MCF2: variants seen among roughly 807,000 people sequenced by gnomAD.
MCF2 encodes the protein MCF.2 cell line derived transforming sequence, also known as proto-oncogene DBL.
Under a neutral mutation model 82.5 loss-of-function variants are expected in MCF2, and 44 were observed. The ratio of observed to expected loss-of-function variants is 0.53; its 90% CI spans 0.42 to 0.69. MCF2 has a LOEUF of 0.69. MCF2 is among the 30% of genes least tolerant of loss of function. The pLI is 0.00. For missense variants in MCF2, 623 were observed against 663.1 expected, an observed-to-expected ratio of 0.94 and a Z score of 0.66; for synonymous variants, 217 against 224.9, an observed-to-expected ratio of 0.96 and a Z score of 0.32.
chrX:139,691,852 G>A, intron 1 of MCF2: 1 of 962,595 alleles, frequency 1.0e-6, no homozygotes, highest in Non-Finnish European at 1.4e-6. Flanking sequence ...GGGAGGCAGC[G>A]GCTGAGAAGA....
intron 20 of MCF2, among the ~76,000 whole-genome samples, chrX:139,589,415 C>T (rs1047969030): frequency 8.9e-6 from 1 of 111,828 alleles, no homozygotes; most frequent in African/African-American, 3.3e-5. Context: ...ATACAACTGG[C>T]CAGGGCTTTA....
At chrX:139,639,356 C>A (rs1243133498) in intron 1 of MCF2, among the ~76,000 whole-genome samples, 3 of 111,617 alleles carry the variant, frequency 2.7e-5, no homozygotes, top group African/African-American at 9.8e-5. Flanking sequence ...TAGGTTCTCG[C>A]AGACATTTTT....
At chrX:139,707,788 G>A (rs1935618958) in intron 1 of MCF2, among the ~76,000 whole-genome samples, 1 of 111,595 alleles carries the variant, frequency 9.0e-6, no homozygotes, top group African/African-American at 3.3e-5. Flanking sequence ...TTCTAATCCA[G>A]AGTTGAGAAA....
At chrX:139,686,608 C>T (rs1296001496) in intron 1 of MCF2, among the ~76,000 whole-genome samples, 2 of 111,516 alleles carry the variant, frequency 1.8e-5, no homozygotes, top group African/African-American at 6.5e-5. Flanking sequence ...CTGCAGGCAT[C>T]TCCATCTCCA....
At chrX:139,626,849 C>T (rs1002380085) in intron 4 of MCF2, 93 bp from the exon 8 acceptor site, 51 of 767,624 alleles carry the variant, frequency 6.6e-5, no homozygotes, top group African/African-American at 3.8e-4. Context: ...CATGAAGAAT[C>T]GAAACAGTTA....
At chrX:139,694,780 T>C (rs1353747762) in intron 1 of MCF2, among the ~76,000 whole-genome samples, 2 of 110,897 alleles carry the variant, frequency 1.8e-5, no homozygotes, top group South Asian at 3.8e-4. Flanking sequence ...TAAATTATGA[T>C]ACATCCATAA....
chrX:139,607,669 T>C, intron 12 of MCF2, 22 bp downstream of exon 16: 3 of 1,079,913 alleles, frequency 2.8e-6, no homozygotes, highest in Non-Finnish European at 3.8e-6. Context: ...TATGTGAGTT[T>C]ATATTAATAA....
At chrX:139,624,126 A>G (rs1048060776) in intron 6 of MCF2, among the ~76,000 whole-genome samples, 9 of 111,654 alleles carry the variant, frequency 8.1e-5, no homozygotes, top group Non-Finnish European at 1.9e-5. Flanking sequence ...TCACCTGCAG[A>G]TATGATTCCT....
chrX:139,631,264 G>T, intron 3 of MCF2, 131 bp downstream of exon 6: 1 of 413,655 alleles, frequency 2.4e-6, no homozygotes, highest in Non-Finnish European at 4.3e-6. Flanking sequence ...TGAAAAATGA[G>T]GGCCCAGAAA....
intron 4 of MCF2, among the ~76,000 whole-genome samples, chrX:139,626,957 C>T (rs945531945): frequency 5.4e-5 from 6 of 112,036 alleles, no homozygotes; most frequent in Admixed American, 9.5e-5. Flanking sequence ...ATCCAAGAAG[C>T]CCTTGCCTTA....
intron 12 of MCF2, among the ~76,000 whole-genome samples, chrX:139,606,725 C>T (rs1253620750): frequency 3.6e-5 from 4 of 111,825 alleles, no homozygotes; most frequent in Non-Finnish European, 3.8e-5. Context: ...AATGTGATTT[C>T]CAATTGACAT....
At chrX:139,638,949 T>C (rs903674787) in intron 1 of MCF2, among the ~76,000 whole-genome samples, 9 of 111,534 alleles carry the variant, frequency 8.1e-5, no homozygotes, top group Non-Finnish European at 1.1e-4. Context: ...TTTTTCTCTA[T>C]ATACCAATAT....
intron 12 of MCF2, chrX:139,607,246 T>C (rs1931107742): frequency 9.0e-6 from 1 of 111,569 alleles, no homozygotes; most frequent in Non-Finnish European, 1.9e-5. Context: ...AGCATCACAT[T>C]GTACACTTTA....
At chrX:139,675,803 C>T (rs1424446368) in intron 1 of MCF2, among the ~76,000 whole-genome samples, 3 of 112,335 alleles carry the variant, frequency 2.7e-5, no homozygotes, top group Non-Finnish European at 5.6e-5. Flanking sequence ...GGAGGCAGTC[C>T]GTCTGTTCTC....
chrX:139,587,272 C>T (rs1382435436), intron 22 of MCF2, among the ~76,000 whole-genome samples: 1 of 110,893 alleles, frequency 9.0e-6, no homozygotes, highest in Non-Finnish European at 1.9e-5. Context: ...TACCTTCTCT[C>T]TATGTAGAGA....
rs1204831467 is a variant in MCF2 at position 139,616,487 on chromosome X, C to G, written c.1000-14G>C. On this transcript the variant is annotated splice_polypyrimidine_tract_variant and intron_variant, in intron 8 of 24. Coordinates refer to ENST00000370576, the Ensembl canonical transcript of MCF2. ...GCATTGACGAGCCTGGTAAGAAAAT[C>G]AAGAAGAAAAAAAAAAAATATGAAT... 4 of 922,637 alleles carry G rather than the reference C, an allele frequency of 4.3e-6. No homozygotes were observed. Among genetic ancestry groups the G allele is most frequent in the Middle Eastern group, 3.2e-4 (1 of 3,136 alleles). 76.0% of individuals were successfully genotyped at this position (922,637 alleles called of 1,213,427 possible). A position where few individuals can be genotyped will look rare whatever the true frequency, so the allele number is the denominator to read the frequency against.
At chrX:139,582,951 T>G (rs959247219) in intron 24 of MCF2, among the ~76,000 whole-genome samples, 28 of 112,031 alleles carry the variant, frequency 2.5e-4, no homozygotes, top group African/African-American at 9.1e-4. Context: ...TTTTTATTAT[T>G]AGTCTAAGCC....
chrX:139,658,667 GTTTT>G (rs1182070757), intron 1 of MCF2, among the ~76,000 whole-genome samples: 21 of 56,613 alleles, frequency 3.7e-4, no homozygotes, highest in African/African-American at 1.6e-3. Flanking sequence ...AAAAAGATGT[GTTTT>G]TTTTTTTTTT....
chrX:139,612,223 A>G (rs951701886), intron 10 of MCF2, among the ~76,000 whole-genome samples: 1 of 111,100 alleles, frequency 9.0e-6, no homozygotes, highest in Admixed American at 9.7e-5. Context: ...TGGGGAAATC[A>G]TAGTGCCATT....
Sources: allele counts gnomAD v4.1 joint callset (sites outside exome capture counted in the v4.1 genomes callset), GRCh38; gene constraint gnomAD v4.1.1; transcripts MANE v1.5; gene names NCBI Gene and HGNC (gene_info 2026-07-23, HGNC 2026-07-21).